The following RGS8 variants were observed in gnomAD, a reference collection of about 807,000 sequenced individuals.
The protein encoded by RGS8 is regulator of G protein signaling 8.
A neutral mutation model predicts 21.7 loss-of-function variants in RGS8; 8 were observed. The ratio of observed to expected loss-of-function variants is 0.37; its 90% confidence interval spans 0.22 to 0.66. RGS8 has a LOEUF of 0.66. RGS8 is among the 30% of genes least tolerant of loss of function. The pLI, the probability that RGS8 is intolerant of heterozygous loss-of-function variation, is 0.59. For synonymous variants in RGS8, 80 were observed against 83.6 expected (o/e 0.96, Z 0.24); for missense variants, 157 against 217.9 (o/e 0.72, Z 1.76).
the RGS8 span, among the ~76,000 whole-genome samples, chr1:182,740,000 G>A: frequency 6.6e-6 from 1 of 151,676 alleles, no homozygotes; most frequent in Non-Finnish European, 1.5e-5. Context: ...TTCTATCATC[G>A]CCTGGGTGAA....
the RGS8 span, among the ~76,000 whole-genome samples, chr1:182,745,720 A>C: frequency 1.3e-5 from 2 of 152,232 alleles, no homozygotes. Flanking sequence ...TAAACCACGA[A>C]CTAAGTTCTT....
chr1:182,744,245 C>T, the RGS8 span, among the ~76,000 whole-genome samples: 49 of 151,816 alleles, frequency 3.2e-4, no homozygotes, highest in Non-Finnish European at 5.6e-4. Context: ...TTCCTGGGCT[C>T]GAGAGTAGCT....
the RGS8 span, among the ~76,000 whole-genome samples, chr1:182,691,106 G>A: frequency 6.6e-6 from 1 of 152,182 alleles, no homozygotes; most frequent in African/African-American, 2.4e-5. Flanking sequence ...GCTGACTGTT[G>A]ATATAAGAGT....
At chr1:182,720,954 CATACATATGTGTGT>C in the RGS8 span, among the ~76,000 whole-genome samples, 928 of 66,072 alleles carry the variant, frequency 0.014, 19 homozygotes, top group African/African-American at 0.051. Flanking sequence ...TACATATATA[CATACATATGTGTGT>C]ATATATACAT....
intron 5 of RGS8, among the ~76,000 whole-genome samples, chr1:182,650,746 G>A (rs977866023): frequency 5.3e-5 from 8 of 152,130 alleles, no homozygotes; most frequent in African/African-American, 1.9e-4. Context: ...CCAGCGATTC[G>A]GGAAGTTGAG....
chr1:182,685,428 T>C (rs1664678536), upstream of RGS8, among the ~76,000 whole-genome samples: 2 of 152,226 alleles, frequency 1.3e-5, no homozygotes. Context: ...GCAGGTTCAC[T>C]GCGCAGGGCG....
At chr1:182,713,547 A>T in the RGS8 span, among the ~76,000 whole-genome samples, 271 of 152,194 alleles carry the variant, frequency 1.8e-3, 2 homozygotes, top group Non-Finnish European at 1.4e-3. Flanking sequence ...CTAAAATACA[A>T]ATCTAATCAC....
chr1:182,687,040 G>A (rs542130411), upstream of RGS8, among the ~76,000 whole-genome samples: 5 of 151,998 alleles, frequency 3.3e-5, no homozygotes, highest in East Asian at 3.9e-4. Flanking sequence ...AAGAATTTTC[G>A]TCATAGGTGA....
At chr1:182,688,072 G>A (rs532612068), upstream of RGS8, among the ~76,000 whole-genome samples, 46 of 152,316 alleles carry the variant, frequency 3.0e-4, 2 homozygotes, top group South Asian at 9.5e-3. Context: ...TTCTGCCATT[G>A]TGCAAATCTC....
the RGS8 span, among the ~76,000 whole-genome samples, chr1:182,728,721 C>A: frequency 2.0e-5 from 3 of 151,990 alleles, no homozygotes; most frequent in Middle Eastern, 3.2e-3. Flanking sequence ...GGGAAGTGGA[C>A]AAGATTAGTG....
chr1:182,683,094 G>A (rs561828065), intron 1 of RGS8, among the ~76,000 whole-genome samples: 1 of 152,326 alleles, frequency 6.6e-6, no homozygotes, highest in South Asian at 2.1e-4. Context: ...GGCTTACCTT[G>A]ACCTGGCCAT....
the RGS8 span, among the ~76,000 whole-genome samples, chr1:182,691,130 A>G: frequency 6.6e-6 from 1 of 152,236 alleles, no homozygotes. Flanking sequence ...CCCAGCCAAG[A>G]TTAGCTAAAC....
the RGS8 span, among the ~76,000 whole-genome samples, chr1:182,729,301 G>A: frequency 8.5e-5 from 13 of 152,266 alleles, no homozygotes; most frequent in East Asian, 7.7e-4. Context: ...TCTAATGGGC[G>A]TCTTCCACAT....
At chr1:182,663,196 G>T (rs1475162465) in intron 5 of RGS8, among the ~76,000 whole-genome samples, 1 of 152,118 alleles carries the variant, frequency 6.6e-6, no homozygotes, top group Non-Finnish European at 1.5e-5. Context: ...AATCCCTTTG[G>T]AAAAGCTTAA....
the RGS8 span, among the ~76,000 whole-genome samples, chr1:182,707,064 C>A: frequency 6.6e-6 from 1 of 152,004 alleles, no homozygotes; most frequent in East Asian, 1.9e-4. Context: ...GAGGCTGAGG[C>A]AGGAGAATAG....
the RGS8 span, among the ~76,000 whole-genome samples, chr1:182,742,474 C>T: frequency 5.3e-5 from 8 of 152,056 alleles, no homozygotes; most frequent in South Asian, 1.0e-3. Flanking sequence ...AACGAGACTC[C>T]GTCTGCAATC....
At chr1:182,643,323 G>GCCCCC (rs567593931), downstream of RGS8, 150 of 31,496 alleles carry the variant, frequency 4.8e-3, no homozygotes, top group Non-Finnish European at 5.6e-3. Context: ...CCCTCCCCCA[G>GCCCCC]CCCCCCCGCC....
At chr1:182,662,597 G>T (rs1204151412) in intron 5 of RGS8, among the ~76,000 whole-genome samples, 3 of 152,238 alleles carry the variant, frequency 2.0e-5, no homozygotes, top group African/African-American at 7.2e-5. Flanking sequence ...AAACCATGCT[G>T]TAAACCAAAA....
At chr1:182,676,449 A>G (rs1557901007), upstream of RGS8, among the ~76,000 whole-genome samples, 1 of 152,220 alleles carries the variant, frequency 6.6e-6, no homozygotes, top group East Asian at 1.9e-4. Flanking sequence ...TAGTAACAGT[A>G]GAAACATGAA....
Sources: gnomAD v4.1 joint callset for allele counts (sites outside exome capture counted in the v4.1 genomes callset) on GRCh38, gnomAD v4.1.1 for gene constraint, MANE v1.5 for transcripts, NCBI Gene and HGNC (gene_info 2026-07-23, HGNC 2026-07-21) for gene names.